The following AATF variants were observed in gnomAD, a reference collection of about 807,000 sequenced individuals.
The protein encoded by AATF is apoptosis antagonizing transcription factor.
A neutral mutation model predicts 63.7 loss-of-function variants in AATF; 48 were observed. That is an observed-to-expected ratio of 0.75 (90% CI 0.60 to 0.96). The LOEUF (loss-of-function observed/expected upper bound fraction) is 0.96, where lower values mean the gene tolerates loss of function less well. AATF is among the 40% of genes least tolerant of loss of function. AATF has a pLI of 0.00. For missense variants in AATF, 639 were observed against 685.7 expected (o/e 0.93, Z 0.76); for synonymous variants, 258 against 247.7 (o/e 1.04, Z -0.39).
At chr17:36,984,473 A>G (rs2071151446) in intron 4 of AATF, among the ~76,000 whole-genome samples, 1 of 152,194 alleles carries the variant, frequency 6.6e-6, no homozygotes, top group Non-Finnish European at 1.5e-5. Flanking sequence ...AACCACATGA[A>G]GATTTTCTGG....
At chr17:36,964,760 C>T (rs1233286453) in intron 4 of AATF, among the ~76,000 whole-genome samples, 1 of 151,244 alleles carries the variant, frequency 6.6e-6, no homozygotes, top group Non-Finnish European at 1.5e-5. Flanking sequence ...TGCCCCCCTC[C>T]CCCCCACTGT....
chr17:36,984,952 A>G (rs1223644881), intron 4 of AATF, among the ~76,000 whole-genome samples: 1 of 138,100 alleles, frequency 7.2e-6, no homozygotes, highest in African/African-American at 2.8e-5. Flanking sequence ...CCCGGGCTGG[A>G]GTAAAGTGGC....
At chr17:36,980,977 C>T (rs1170599415) in intron 4 of AATF, among the ~76,000 whole-genome samples, 1 of 149,040 alleles carries the variant, frequency 6.7e-6, no homozygotes, top group African/African-American at 2.5e-5. Flanking sequence ...CACTTTGATG[C>T]ATGGTAGTGC....
In AATF at chr17:36,986,664, G is replaced by A; in HGVS notation, c.880G>A (p.Glu294Lys). Reference protein sequence around the residue: ...ALLRSLVGLQEELLFQYPDTR... With the variant: ...ALLRSLVGLQKELLFQYPDTR... Reference sequence around the variant, plus strand: ...GTTGAGGTCATTGGTAGGTCTTCAGGAAGAGTTGCTTTTCCAGTACCCAGA... The same window carrying A: ...GTTGAGGTCATTGGTAGGTCTTCAGAAAGAGTTGCTTTTCCAGTACCCAGA... Residue 294 changes from glutamate (E) to lysine (K), a missense_variant, in exon 5 of 12, where the codon GAA (glutamate) becomes AAA (lysine). Glu to Lys is a moderately conservative substitution (Grantham distance 56). Coordinates refer to ENST00000619387, the MANE Select transcript of AATF (RefSeq NM_012138.4). The A allele has an allele frequency of 6.2e-7, 1 of 1,614,114 alleles. No homozygotes were observed. Among genetic ancestry groups the A allele is most frequent in the Non-Finnish European group, 8.5e-7 (1 of 1,180,004 alleles).
At chr17:36,977,067 T>C (rs1374905821) in intron 4 of AATF, among the ~76,000 whole-genome samples, 1 of 152,218 alleles carries the variant, frequency 6.6e-6, no homozygotes, top group African/African-American at 2.4e-5. Context: ...TGAAGATACA[T>C]AGTTGATATT....
chr17:37,040,141 T>C (rs1310953296), intron 11 of AATF, among the ~76,000 whole-genome samples: 1 of 151,040 alleles, frequency 6.6e-6, no homozygotes, highest in East Asian at 1.9e-4. Context: ...ATCTTACAGA[T>C]ATTGTATTAA....
At chr17:36,997,994 G>A (rs914653610) in intron 8 of AATF, among the ~76,000 whole-genome samples, 1 of 152,162 alleles carries the variant, frequency 6.6e-6, no homozygotes, top group African/African-American at 2.4e-5. Context: ...AACATCATAT[G>A]TTCCCATGGG....
chr17:37,006,666 A>G lies in AATF; in HGVS notation c.1399-12339A>G, dbSNP rs1177486190. 2.0e-5 allele frequency among the ~76,000 whole-genome samples: 3 copies of G among 152,222 alleles called. No homozygotes were observed. In the East Asian group the frequency reaches 5.8e-4, roughly 29 times the overall value. Reference sequence around the variant, plus strand: ...TAATAATTAGACATTGGGAGACACGATATATCATGCCTAATGGAAATATAT... The same window carrying G: ...TAATAATTAGACATTGGGAGACACGGTATATCATGCCTAATGGAAATATAT... On this transcript the variant is annotated intron_variant, in intron 8 of 11. Transcript: ENST00000619387.
At chr17:36,964,170 C>CCTT (rs1555647234) in intron 4 of AATF, among the ~76,000 whole-genome samples, 3 of 101,390 alleles carry the variant, frequency 3.0e-5, no homozygotes, top group African/African-American at 1.2e-4. Context: ...GGGTGTTTTG[C>CCTT]TTTTTTTTTT....
chr17:37,040,561 G>A (rs890686202), intron 11 of AATF, among the ~76,000 whole-genome samples: 1 of 152,130 alleles, frequency 6.6e-6, no homozygotes, highest in South Asian at 2.1e-4. Context: ...TGAACAGCAA[G>A]TAAGTAGTGG....
At chr17:37,008,187 A>G (rs544653972) in intron 8 of AATF, among the ~76,000 whole-genome samples, 5 of 152,250 alleles carry the variant, frequency 3.3e-5, no homozygotes, top group Non-Finnish European at 7.3e-5. Context: ...GGGACTATCT[A>G]TGAGCATGAT....
chr17:37,043,717 C>T lies in AATF; in HGVS notation c.1619+12032C>T, dbSNP rs1027166827. On this transcript the variant is annotated intron_variant, in intron 11 of 11. Transcript: ENST00000619387. ...TCTTTTTCCAGTTATTGTCGGCCTCCTCTGAGCTCAGCGCTGACTCAGTAT... is the reference window on the plus strand; with the variant it reads ...TCTTTTTCCAGTTATTGTCGGCCTCTTCTGAGCTCAGCGCTGACTCAGTAT... Among the ~76,000 whole-genome samples the T allele has an allele frequency of 2.6e-5, 4 of 152,238 alleles. No homozygotes were observed. The East Asian group carries it at 7.7e-4, about 29-fold the overall frequency.
intron 2 of AATF, 109 bp downstream of exon 2, chr17:36,950,514 T>C (rs1394211136): frequency 2.6e-6 from 3 of 1,164,666 alleles, no homozygotes; most frequent in Non-Finnish European, 3.6e-6. Flanking sequence ...GGATCTTTTT[T>C]TTGAGACAGA....
intron 4 of AATF, among the ~76,000 whole-genome samples, chr17:36,978,360 A>T (rs1352497331): frequency 1.3e-5 from 2 of 152,058 alleles, no homozygotes; most frequent in African/African-American, 4.8e-5. Flanking sequence ...TTGCATTCAG[A>T]ATTAGCCTAT....
At chr17:36,976,734 A>G (rs1040588117) in intron 4 of AATF, among the ~76,000 whole-genome samples, 2 of 152,162 alleles carry the variant, frequency 1.3e-5, no homozygotes, top group South Asian at 2.1e-4. Flanking sequence ...CGTAAACACA[A>G]CCTCTCAAAG....
chr17:37,043,761 C>CTCGCTCGTATGCAG (rs1377692047), intron 11 of AATF, among the ~76,000 whole-genome samples: 10 of 152,188 alleles, frequency 6.6e-5, no homozygotes, highest in Non-Finnish European at 1.3e-4. Flanking sequence ...ACCTTATGCC[C>CTCGCTCGTATGCAG]TCGCTCGTAT....
At chr17:36,962,976 G>A (rs568520248) in intron 4 of AATF, among the ~76,000 whole-genome samples, 19 of 152,180 alleles carry the variant, frequency 1.2e-4, no homozygotes, top group African/African-American at 3.9e-4. Flanking sequence ...AAAATGAGCC[G>A]GGAGTGGTGG....
In AATF at chr17:36,949,142, C is replaced by A; in HGVS notation, c.17C>A (p.Pro6His). The A allele has an allele frequency of 6.3e-7, 1 of 1,583,070 alleles. No homozygotes were observed. Among genetic ancestry groups the A allele is most frequent in the African/African-American group, 1.3e-5 (1 of 74,674 alleles). ...CTGGTGACGATGGCGGGGCCGCAGC[C>A]CCTGGCGCTGCAACTGGAACAGTTG... MAGPQ[P>H]LALQLEQLLN... is the part of the protein sequence containing the mutation. The change falls in exon 1 of 12, where the codon CCC becomes CAC. Residue 6 changes from proline to histidine, a missense_variant. Transcript: ENST00000619387.
chr17:37,047,395 T>G (rs2071702619), intron 11 of AATF, among the ~76,000 whole-genome samples: 1 of 152,170 alleles, frequency 6.6e-6, no homozygotes, highest in South Asian at 2.1e-4. Context: ...TTTTTCTTCC[T>G]TTGTTAAAGT....
Sources: allele counts gnomAD v4.1 joint callset (sites outside exome capture counted in the v4.1 genomes callset), GRCh38; gene constraint gnomAD v4.1.1; transcripts MANE v1.5; gene names NCBI Gene and HGNC (gene_info 2026-07-23, HGNC 2026-07-21).